The following HSF2 variants were observed in gnomAD, a reference collection of about 807,000 sequenced individuals.
HSF2 encodes the protein heat shock factor protein 2.
HSF2 carries 21 observed loss-of-function variants against 65.0 expected under a neutral mutation model. The observed-to-expected ratio is 0.32, with a 90% CI of 0.23 to 0.47. The LOEUF is 0.47. HSF2 is among the 20% of genes least tolerant of loss of function. The pLI is 1.00. For missense variants in HSF2, 499 were observed against 628.1 expected (o/e 0.79, Z 2.20); for synonymous variants, 225 against 219.1 (o/e 1.03, Z -0.24).
intron 11 of HSF2, among the ~76,000 whole-genome samples, chr6:122,430,846 TC>T (rs1774446886): frequency 6.6e-6 from 1 of 152,008 alleles, no homozygotes; most frequent in Non-Finnish European, 1.5e-5. Context: ...AGAAAGTGGT[TC>T]AAAGAAGCAA....
intron 1 of HSF2, among the ~76,000 whole-genome samples, chr6:122,401,294 A>G (rs1160833680): frequency 6.6e-6 from 1 of 152,236 alleles, no homozygotes; most frequent in East Asian, 1.9e-4. Flanking sequence ...ATCAGTTAGA[A>G]GGATTAAAAG....
intron 1 of HSF2, among the ~76,000 whole-genome samples, chr6:122,410,368 T>C (rs184973842): frequency 6.6e-6 from 1 of 152,046 alleles, no homozygotes; most frequent in East Asian, 1.9e-4. Context: ...ACTTAACATT[T>C]TTCTATTATT....
intron 9 of HSF2, among the ~76,000 whole-genome samples, chr6:122,423,327 G>C (rs1264011885): frequency 6.6e-6 from 1 of 152,070 alleles, no homozygotes; most frequent in East Asian, 1.9e-4. Flanking sequence ...ATAGTATAGA[G>C]GAAAAAGGTA....
intron 1 of HSF2, among the ~76,000 whole-genome samples, chr6:122,408,836 GT>G (rs939736258): frequency 2.8e-5 from 4 of 144,812 alleles, no homozygotes; most frequent in African/African-American, 1.0e-4. Context: ...TAGAATGAGA[GT>G]TTTTAACTTC....
At chr6:122,424,088 C>T (rs1230526023) in intron 10 of HSF2, among the ~76,000 whole-genome samples, 3 of 152,066 alleles carry the variant, frequency 2.0e-5, no homozygotes, top group African/African-American at 7.2e-5. Flanking sequence ...TGGGGATTAA[C>T]ATTTTTTACT....
At chr6:122,425,613 G>T (rs1343793418) in intron 10 of HSF2, among the ~76,000 whole-genome samples, 6 of 151,920 alleles carry the variant, frequency 3.9e-5, no homozygotes, top group Non-Finnish European at 7.4e-5. Flanking sequence ...GTTGATTTTA[G>T]AGGTGCTGTA....
rs529506143 is a variant in HSF2 at position 122,405,785 on chromosome 6, A to C, written c.93+5955A>C. 2.0e-4 allele frequency among the ~76,000 whole-genome samples: 31 copies of C among 152,352 alleles called. 1 individual carries two copies. In the South Asian group the frequency reaches 5.8e-3, roughly 28 times the overall value. ...GTATCTGCTTTCTCACTACAAAGGT[A>C]GAGTTATGATGTTATAATCTGCAAG... On this transcript the variant is annotated intron_variant, in intron 1 of 12. Coordinates refer to ENST00000368455, the MANE Select transcript of HSF2 (RefSeq NM_004506.4).
chr6:122,427,125 T>G (rs570783047), intron 10 of HSF2, among the ~76,000 whole-genome samples: 1 of 152,138 alleles, frequency 6.6e-6, no homozygotes, highest in South Asian at 2.1e-4. Context: ...CTTAGTGCTT[T>G]TGAGCGCCAC....
chr6:122,405,626 T>C (rs1435439663), intron 1 of HSF2, among the ~76,000 whole-genome samples: 1 of 152,088 alleles, frequency 6.6e-6, no homozygotes, highest in Non-Finnish European at 1.5e-5. Context: ...TTACTGGAAA[T>C]GCATCCTTCA....
chr6:122,409,245 A>G (rs1773934985), intron 1 of HSF2, among the ~76,000 whole-genome samples: 1 of 152,036 alleles, frequency 6.6e-6, no homozygotes, highest in South Asian at 2.1e-4. Flanking sequence ...ATCAAAGCCC[A>G]GAGAGTCGAA....
At chr6:122,413,372 A>G (rs1233384857) in intron 3 of HSF2, among the ~76,000 whole-genome samples, 153 bp from the exon 4 acceptor site, 1 of 151,994 alleles carries the variant, frequency 6.6e-6, no homozygotes, top group Non-Finnish European at 1.5e-5. Context: ...TGAGCTCTGA[A>G]GTTTATTCTT....
At chr6:122,401,796 G>T (rs1773740110) in intron 1 of HSF2, among the ~76,000 whole-genome samples, 1 of 152,194 alleles carries the variant, frequency 6.6e-6, no homozygotes, top group Admixed American at 6.5e-5. Flanking sequence ...TGGTAGGAAT[G>T]ATGAAGATAA....
chr6:122,405,065 G>T (rs1773838017), intron 1 of HSF2, among the ~76,000 whole-genome samples: 2 of 152,212 alleles, frequency 1.3e-5, no homozygotes, highest in Non-Finnish European at 2.9e-5. Context: ...AATTCATTCA[G>T]TAGTGAACCA....
At chr6:122,415,179 A>C (rs1774095246) in intron 4 of HSF2, among the ~76,000 whole-genome samples, 1 of 152,240 alleles carries the variant, frequency 6.6e-6, no homozygotes, top group South Asian at 2.1e-4. Flanking sequence ...AAAAAAGGTG[A>C]ACGAAGAAGA....
intron 3 of HSF2, 24 bp downstream of exon 3, chr6:122,412,788 A>G (rs1774030094): frequency 6.2e-7 from 1 of 1,610,226 alleles, no homozygotes; most frequent in Non-Finnish European, 8.5e-7. Context: ...AACGTGAGCT[A>G]ATTAGGGTAT....
At chr6:122,431,627 T>C (rs1012851206) in intron 12 of HSF2, 113 bp downstream of exon 12, 1 of 578,956 alleles carries the variant, frequency 1.7e-6, no homozygotes, top group Non-Finnish European at 3.0e-6. Context: ...CTGTGAATAG[T>C]GTGTCGAGGT....
At chr6:122,428,824 T>C (rs555470251) in intron 11 of HSF2, among the ~76,000 whole-genome samples, 1 of 152,200 alleles carries the variant, frequency 6.6e-6, no homozygotes, top group Non-Finnish European at 1.5e-5. Flanking sequence ...TGTCTATATC[T>C]TCAAAGTTAC....
chr6:122,432,113 C>G lies in HSF2; in HGVS notation c.1504C>G (p.Arg502Gly). The G allele has an allele frequency of 6.2e-7, 1 of 1,614,038 alleles. No individual in the cohort carries two copies. Among genetic ancestry groups the G allele is most frequent in the Non-Finnish European group, 8.5e-7 (1 of 1,179,962 alleles). The change falls in exon 13 of 13, where the codon CGC (arginine) becomes GGC (glycine). Residue 502 changes from arginine to glycine, a missense_variant. Physicochemically the swap from Arg to Gly is moderately radical, Grantham distance 125. This residue lies in a region of HSF2 where 349 missense variants were observed against 393.5 expected (regional missense o/e 0.89). Transcript: ENST00000368455. ...AGAACCAACCCAAAGTAAGCTTGTT[C>G]GCCTGGAGCCATTGACTGAAGCTGA... ...DPEPTQSKLV[R>G]LEPLTEAEAS...
At chr6:122,428,005 A>C (rs758254176) in intron 11 of HSF2, 49 bp downstream of exon 11, 1 of 1,261,380 alleles carries the variant, frequency 7.9e-7, no homozygotes, top group East Asian at 2.4e-5. Context: ...AAAAATCTAC[A>C]AAAACGTCCT....
Sources: gnomAD v4.1 joint callset for allele counts (sites outside exome capture counted in the v4.1 genomes callset) on GRCh38, gnomAD v4.1.1 for gene constraint, gnomAD v4.1.1 regional missense constraint, MANE v1.5 for transcripts, NCBI Gene and HGNC (gene_info 2026-07-23, HGNC 2026-07-21) for gene names.